DNAJC15: variants seen among roughly 807,000 people sequenced by gnomAD.
DNAJC15 encodes DnaJ heat shock protein family (Hsp40) member C15, also known as dnaJ homolog subfamily C member 15.
Under a neutral mutation model 22.4 loss-of-function variants are expected in DNAJC15, and 27 were observed. The observed-to-expected ratio is 1.20, with a 90% CI of 0.89 to 1.66. The LOEUF (loss-of-function observed/expected upper bound fraction) is 1.66. Ranked by LOEUF, DNAJC15 falls within the 40% of genes most tolerant of loss-of-function variation. The pLI is 0.00. For synonymous variants in DNAJC15, 79 were observed against 63.2 expected, an observed-to-expected ratio of 1.25 and a Z score of -1.19; for missense variants, 208 against 187.1, an observed-to-expected ratio of 1.11 and a Z score of -0.65.
chr13:43,075,445 G>A (rs2040628951), intron 3 of DNAJC15, among the ~76,000 whole-genome samples: 1 of 152,090 alleles, frequency 6.6e-6, no homozygotes. Flanking sequence ...GCTCCCTAAG[G>A]TAAATAAAGA....
chr13:43,086,297 GT>G (rs2040688179), intron 5 of DNAJC15, among the ~76,000 whole-genome samples: 1 of 152,162 alleles, frequency 6.6e-6, no homozygotes, highest in Non-Finnish European at 1.5e-5. Context: ...TGAGCCATTT[GT>G]TTTTAACTGG....
At chr13:43,086,004 C>T (rs1394564469) in intron 5 of DNAJC15, among the ~76,000 whole-genome samples, 166 bp downstream of exon 5, 2 of 152,176 alleles carry the variant, frequency 1.3e-5, no homozygotes. Flanking sequence ...CAGTGATTCA[C>T]ACAAGTAGTG....
At chr13:43,046,819 G>A (rs1256510122) in intron 1 of DNAJC15, among the ~76,000 whole-genome samples, 1 of 152,190 alleles carries the variant, frequency 6.6e-6, no homozygotes, top group Non-Finnish European at 1.5e-5. Context: ...ACCTGCCGCT[G>A]ACTTACACCC....
Position 43,078,645 on chromosome 13 carries a change from C to T in DNAJC15, c.268C>T (p.Gln90Ter), listed in dbSNP as rs917032581. ...ATCCTACTATAAAGGAGGATTTGAACAGAAAATGAGTAGGCGAGAAGCTGG... is the reference window on the plus strand; with the variant it reads ...ATCCTACTATAAAGGAGGATTTGAATAGAAAATGAGTAGGCGAGAAGCTGG... ...FSSYYKGGFEQKMSRREAGLI... is the reference protein window; with the variant it reads ...FSSYYKGGFE Residue 90 changes from glutamine to a stop codon, truncating the protein, a stop_gained, in exon 4 of 6, where the codon CAG (glutamine) becomes TAG (stop). Transcript: ENST00000379221. LOFTEE classifies it high-confidence loss of function. 6.2e-7 allele frequency: 1 copy of T among 1,613,278 alleles called. No individual in the cohort carries two copies. The highest frequency in any genetic ancestry group is 1.3e-5 in the African/African-American group (1 of 74,824).
At chr13:43,090,161 A>G (rs1403747783) in intron 5 of DNAJC15, among the ~76,000 whole-genome samples, 6 of 152,236 alleles carry the variant, frequency 3.9e-5, no homozygotes, top group African/African-American at 1.2e-4. Flanking sequence ...GGGCCCCCTT[A>G]ACAGCATAAG....
intron 1 of DNAJC15, among the ~76,000 whole-genome samples, chr13:43,040,036 AAAG>A (rs2040446039): frequency 9.3e-6 from 1 of 107,230 alleles, no homozygotes; most frequent in African/African-American, 3.8e-5. Context: ...AGAGAGAGAA[AAAG>A]AAATATATAC....
At chr13:43,049,857 A>T (rs1290378389) in intron 1 of DNAJC15, among the ~76,000 whole-genome samples, 1 of 152,160 alleles carries the variant, frequency 6.6e-6, no homozygotes, top group East Asian at 1.9e-4. Flanking sequence ...TAGTAGATAA[A>T]TTTTTTTCTA....
intron 1 of DNAJC15, among the ~76,000 whole-genome samples, chr13:43,040,038 A>G (rs201928278): frequency 1.3e-5 from 2 of 151,546 alleles, no homozygotes; most frequent in Admixed American, 6.6e-5. Context: ...AGAGAGAAAA[A>G]GAAATATATA....
chr13:43,093,221 AT>A (rs1452226843), intron 5 of DNAJC15, among the ~76,000 whole-genome samples: 2 of 151,744 alleles, frequency 1.3e-5, no homozygotes, highest in Non-Finnish European at 2.9e-5. Context: ...TATATTACTT[AT>A]AGTTATTTGG....
chr13:43,109,683 AAAT>A lies in DNAJC15; in HGVS notation c.*2439_*2441del, dbSNP rs2040815169. 1 of 152,038 alleles carries A rather than the reference AAAT, an allele frequency of 6.6e-6. No individual in the cohort carries two copies. The highest frequency in any genetic ancestry group is 1.5e-5 in the Non-Finnish European group (1 of 68,020). 9.4% of individuals were successfully genotyped at this position (152,038 alleles called of 1,614,324 possible). A position where few individuals can be genotyped will look rare whatever the true frequency, so the allele number is the denominator to read the frequency against. On this transcript the variant is annotated 3_prime_UTR_variant, in exon 6 of 6. Coordinates refer to ENST00000379221, the MANE Select transcript of DNAJC15 (RefSeq NM_013238.3). ...ATAACCCGTATCTATAAAATAGAGA[AAAT>A]AATCCTACACACCGGGGCCTGTTGT...
intron 1 of DNAJC15, among the ~76,000 whole-genome samples, chr13:43,027,184 C>T (rs543753477): frequency 6.6e-5 from 10 of 152,270 alleles, no homozygotes; most frequent in South Asian, 4.1e-4. Flanking sequence ...TTGTATGAAA[C>T]GGTAGTCATT....
At chr13:43,040,419 T>C (rs1404519956) in intron 1 of DNAJC15, among the ~76,000 whole-genome samples, 1 of 152,246 alleles carries the variant, frequency 6.6e-6, no homozygotes, top group Non-Finnish European at 1.5e-5. Context: ...GTTACCTGGT[T>C]ATCATCTTGA....
At chr13:43,046,846 G>T (rs2040479569) in intron 1 of DNAJC15, among the ~76,000 whole-genome samples, 1 of 152,206 alleles carries the variant, frequency 6.6e-6, no homozygotes, top group Non-Finnish European at 1.5e-5. Flanking sequence ...ATCCAGCAGG[G>T]TGTCCACTGC....
At chr13:43,067,538 G>A (rs927427631) in intron 2 of DNAJC15, among the ~76,000 whole-genome samples, 2 of 152,080 alleles carry the variant, frequency 1.3e-5, no homozygotes, top group African/African-American at 4.8e-5. Context: ...TTCCAGGGTC[G>A]TCTTTGTAAA....
intron 3 of DNAJC15, 125 bp from the exon 4 acceptor site, chr13:43,078,487 G>T (rs1298013775): frequency 1.7e-6 from 1 of 599,662 alleles, no homozygotes. Context: ...GCTTCCCCCC[G>T]CCCCATAATT....
At chr13:43,063,763 A>G (rs191646809) in intron 1 of DNAJC15, among the ~76,000 whole-genome samples, 2 of 152,328 alleles carry the variant, frequency 1.3e-5, no homozygotes, top group African/African-American at 2.4e-5. Flanking sequence ...AAGCTGAGGT[A>G]TTAAGAGCAG....
intron 3 of DNAJC15, among the ~76,000 whole-genome samples, chr13:43,070,387 TGG>T (rs1381207487): frequency 1.3e-5 from 2 of 151,878 alleles, no homozygotes; most frequent in African/African-American, 4.8e-5. Flanking sequence ...CCATAGACAG[TGG>T]GATATAGTTA....
intron 1 of DNAJC15, among the ~76,000 whole-genome samples, chr13:43,034,768 T>C (rs947118202): frequency 6.6e-6 from 1 of 152,206 alleles, no homozygotes; most frequent in African/African-American, 2.4e-5. Flanking sequence ...CAGTTGACTC[T>C]TGTGTACCTT....
intron 5 of DNAJC15, among the ~76,000 whole-genome samples, chr13:43,090,503 A>G (rs2040708874): frequency 6.6e-6 from 1 of 152,186 alleles, no homozygotes; most frequent in African/African-American, 2.4e-5. Flanking sequence ...TATTAAAAAA[A>G]ACATAGACTT....
Sources: allele counts gnomAD v4.1 joint callset (sites outside exome capture counted in the v4.1 genomes callset), GRCh38; gene constraint gnomAD v4.1.1; transcripts MANE v1.5; gene names NCBI Gene and HGNC (gene_info 2026-07-23, HGNC 2026-07-21).